RNF114: variants seen among roughly 807,000 people sequenced by gnomAD.
The protein encoded by RNF114 is ring finger protein 114.
RNF114 carries 6 observed loss-of-function variants against 28.4 expected under a neutral mutation model. The ratio of observed to expected loss-of-function variants is 0.21; its 90% CI spans 0.12 to 0.42. The LOEUF is 0.42. Ranked by LOEUF, RNF114 falls within the 10% of genes least tolerant of loss-of-function variation. The pLI, the probability that RNF114 is intolerant of heterozygous loss-of-function variation, is 1.00. For missense variants in RNF114, 249 were observed against 311.7 expected (o/e 0.80, Z 1.51); for synonymous variants, 115 against 116.7 (o/e 0.99, Z 0.09).
intron 1 of RNF114, among the ~76,000 whole-genome samples, chr20:49,937,598 C>T (rs1327197904): frequency 1.3e-5 from 2 of 152,188 alleles, no homozygotes; most frequent in Non-Finnish European, 2.9e-5. Context: ...TTCAGTAGTC[C>T]AGAGAACAGT....
chr20:49,951,170 T>G (rs1377950934), intron 5 of RNF114, among the ~76,000 whole-genome samples: 2 of 152,068 alleles, frequency 1.3e-5, no homozygotes, highest in Non-Finnish European at 2.9e-5. Flanking sequence ...TTTCAGTATC[T>G]AAGAAAGAAA....
In RNF114 at chr20:49,936,550, C is replaced by T. The variant is rs1203765964; in HGVS notation, c.138C>T (p.His46=). 1.3e-6 allele frequency: 2 copies of T among 1,586,372 alleles called. No homozygotes were observed. The highest frequency in any genetic ancestry group is 1.4e-5 in the African/African-American group (1 of 73,250). The change falls in exon 1 of 6, where the codon CAC becomes CAT. Residue 46 remains histidine, a splice_region_variant and synonymous_variant. Coordinates refer to ENST00000244061, the MANE Select transcript of RNF114 (RefSeq NM_018683.4). Reference sequence around the variant, plus strand: ...AGCCGGTACAGGTGCCCTGCGGACACGTGTAAGCGGCGAGCCCGGGCCTGG... The same window carrying T: ...AGCCGGTACAGGTGCCCTGCGGACATGTGTAAGCGGCGAGCCCGGGCCTGG... ...YEKPVQVPCG[H]VFCSACLQEC...
In RNF114 at chr20:49,952,189, C is replaced by T; in HGVS notation, c.*48C>T. ...GTCTCATGTTACAGAGCTTCCATTACATATTAAACGTGAAATCTATGACTC... is the reference window on the plus strand; with the variant it reads ...GTCTCATGTTACAGAGCTTCCATTATATATTAAACGTGAAATCTATGACTC... On this transcript the variant is annotated 3_prime_UTR_variant, in exon 6 of 6. Transcript: ENST00000244061. The T allele has an allele frequency of 1.3e-6, 2 of 1,513,232 alleles. No individual in the cohort carries two copies. The highest frequency in any genetic ancestry group is 1.8e-6 in the Non-Finnish European group (2 of 1,087,898). The allele number at this position is 1,513,232 out of a possible 1,614,324, so 93.7% of individuals were successfully genotyped here.
chr20:49,944,289 G>A (rs1180560127), intron 2 of RNF114: 3 of 151,868 alleles, frequency 2.0e-5, no homozygotes, highest in South Asian at 2.1e-4. Context: ...TGCTGATCTC[G>A]AACTCGGGAG....
rs202148450 is a variant in RNF114, at chr20:49,953,534, C to G, written c.*1393C>G. 1.3e-5 allele frequency: 2 copies of G among 151,924 alleles called. No homozygotes were observed. Among genetic ancestry groups the G allele is most frequent in the Non-Finnish European group, 2.9e-5 (2 of 67,982 alleles). The allele number at this position is 151,924 out of a possible 1,614,324, so 9.4% of individuals were successfully genotyped here. On this transcript the variant is annotated 3_prime_UTR_variant, in exon 6 of 6. Transcript: ENST00000244061. ...CCTGCCGGTGAAGAGCTGCAGATGC[C>G]GAGAAGCCAGCAAACACAGGGCCCA...
At chr20:49,936,831 A>C (rs2090289151) in intron 1 of RNF114, among the ~76,000 whole-genome samples, 1 of 151,442 alleles carries the variant, frequency 6.6e-6, no homozygotes, top group South Asian at 2.1e-4. Flanking sequence ...TCTCCTTCCC[A>C]CACGTGATAG....
chr20:49,947,213 GCCCCCCCCCCCCCC>G (rs10522852), intron 4 of RNF114, among the ~76,000 whole-genome samples: 4 of 87,388 alleles, frequency 4.6e-5, no homozygotes, highest in African/African-American at 2.5e-4. Context: ...GAACAAAACT[GCCCCCCCCCCCCCC>G]CCCCCCCCCA....
chr20:49,952,344 C>A lies in RNF114; in HGVS notation c.*203C>A. 1 of 577,062 alleles carries A rather than the reference C, an allele frequency of 1.7e-6. No individual in the cohort carries two copies. The highest frequency in any genetic ancestry group is 2.2e-5 in the South Asian group (1 of 46,018). The allele number at this position is 577,062 out of a possible 1,614,324, so 35.7% of individuals were successfully genotyped here. A position where few individuals can be genotyped will look rare whatever the true frequency, so the allele number is the denominator to read the frequency against. ...TGGGCTCTTGCCAAAGCTGTCTTCC[C>A]CTACTGTTAACCTTGTTTGTCACAC... On this transcript the variant is annotated 3_prime_UTR_variant, in exon 6 of 6. Transcript: ENST00000244061.
At position 49,953,495 on chromosome 20, in the gene RNF114, T is replaced by C. The variant is rs2090364168; in HGVS notation, c.*1354T>C. The C allele has an allele frequency of 6.6e-6, 1 of 152,232 alleles. No homozygotes were observed. Among genetic ancestry groups the C allele is most frequent in the Admixed American group, 6.5e-5 (1 of 15,276 alleles). The allele number at this position is 152,232 out of a possible 1,614,324, so 9.4% of individuals were successfully genotyped here. On this transcript the variant is annotated 3_prime_UTR_variant, in exon 6 of 6. Coordinates refer to ENST00000244061, the MANE Select transcript of RNF114 (RefSeq NM_018683.4). ...CTACCTCGCGCTTGTACACTGCTGC[T>C]GTGGGGCTCCGCGCCTGCCGGTGAA...
rs1185007615 is a variant in RNF114 at position 49,953,486 on chromosome 20, C to T, written c.*1345C>T. ...CTGCAAGTGCTACCTCGCGCTTGTA[C>T]ACTGCTGCTGTGGGGCTCCGCGCCT... is the stretch of plus-strand genomic sequence containing the variant. On this transcript the variant is annotated 3_prime_UTR_variant, in exon 6 of 6. Coordinates refer to ENST00000244061, the MANE Select transcript of RNF114 (RefSeq NM_018683.4). 6.6e-6 allele frequency: 1 copy of T among 152,200 alleles called. No homozygotes were observed. The highest frequency in any genetic ancestry group is 2.4e-5 in the African/African-American group (1 of 41,448). 9.4% of individuals were successfully genotyped at this position (152,200 alleles called of 1,614,324 possible). A position where few individuals can be genotyped will look rare whatever the true frequency, so the allele number is the denominator to read the frequency against.
chr20:49,946,352 C>G (rs1002929737), intron 4 of RNF114, 102 bp downstream of exon 4: 2 of 612,294 alleles, frequency 3.3e-6, no homozygotes, highest in Non-Finnish European at 5.7e-6. Flanking sequence ...GTGCCCTTCA[C>G]CTAGATTGAC....
rs1308226907 is a variant in RNF114, at chr20:49,953,819, AAGTG to A, written c.*1681_*1684del. On this transcript the variant is annotated 3_prime_UTR_variant, in exon 6 of 6. Coordinates refer to ENST00000244061, the MANE Select transcript of RNF114 (RefSeq NM_018683.4). ...ATTTCTAATAAGATGACTTTCCAGA[AAGTG>A]AGATTTGTTATGTTCTGGCTTTTAA... The A allele has an allele frequency of 6.6e-6, 1 of 152,192 alleles. No homozygotes were observed. The highest frequency in any genetic ancestry group is 1.5e-5 in the Non-Finnish European group (1 of 68,038). 9.4% of individuals were successfully genotyped at this position (152,192 alleles called of 1,614,324 possible).
In RNF114 at chr20:49,951,571, T is replaced by C. The variant is rs116682164; in HGVS notation, c.622-505T>C. 4.1e-3 allele frequency among the ~76,000 whole-genome samples: 627 copies of C among 152,268 alleles called. 5 individuals carry two copies. The highest frequency in any genetic ancestry group is 0.015 in the African/African-American group (608 of 41,554). On this transcript the variant is annotated intron_variant, in intron 5 of 5. Transcript: ENST00000244061. ...CAATCTCCATTTAAGGGAGGCATCC[T>C]TAACTTCATTTAAGAATCAGGCAGC... is the stretch of plus-strand genomic sequence containing the variant.
chr20:49,940,358 C>CACATGAACACCCAGTCCTCAGGT (rs2090302787), intron 1 of RNF114, among the ~76,000 whole-genome samples: 1 of 151,250 alleles, frequency 6.6e-6, no homozygotes. Flanking sequence ...CTCACACATG[C>CACATGAACACCCAGTCCTCAGGT]ACATGAACAC....
At position 49,936,482 on chromosome 20, in the gene RNF114, C is replaced by A; in HGVS notation, c.70C>A (p.Leu24Ile). The change falls in exon 1 of 6, where the codon CTA becomes ATA. Residue 24 changes from leucine (L) to isoleucine (I), a missense_variant. Transcript: ENST00000244061. The part of the protein sequence containing the change: ...LAGPAAEADP[L>I]GRFTCPVCLE... ...GGGGCCGGCGGCGGAGGCTGACCCC[C>A]TAGGACGCTTCACGTGTCCCGTGTG... 1 of 1,563,716 alleles carries A rather than the reference C, an allele frequency of 6.4e-7. No homozygotes were observed. Among genetic ancestry groups the A allele is most frequent in the South Asian group, 1.2e-5 (1 of 85,334 alleles).
intron 4 of RNF114, among the ~76,000 whole-genome samples, chr20:49,947,893 GC>G: frequency 7.1e-6 from 1 of 141,706 alleles, no homozygotes; most frequent in Non-Finnish European, 1.5e-5. Context: ...CCGGGTTCAC[GC>G]CATTCTCCTG....
intron 4 of RNF114, among the ~76,000 whole-genome samples, chr20:49,947,769 G>GTTTTTTTTTGTTTTGTTTTTTTTTTTTT (rs2090338798): frequency 4.0e-5 from 2 of 50,422 alleles, no homozygotes; most frequent in African/African-American, 1.7e-4. Flanking sequence ...CCCTCTGCAA[G>GTTTTTTTTTGTTTTGTTTTTTTTTTTTT]TTTTTTTTTT....
intron 2 of RNF114, among the ~76,000 whole-genome samples, chr20:49,943,112 C>A (rs1471487591): frequency 6.6e-6 from 1 of 151,860 alleles, no homozygotes; most frequent in Non-Finnish European, 1.5e-5. Flanking sequence ...TATACCTTAC[C>A]ATCTCCTTTT....
chr20:49,939,752 TAAA>T (rs935830658), intron 1 of RNF114, among the ~76,000 whole-genome samples: 1 of 136,896 alleles, frequency 7.3e-6, no homozygotes, highest in Non-Finnish European at 1.6e-5. Flanking sequence ...CCTTCTCACC[TAAA>T]AAAAAAAAAA....
Sources: allele counts gnomAD v4.1 joint callset (sites outside exome capture counted in the v4.1 genomes callset), GRCh38; gene constraint gnomAD v4.1.1; transcripts MANE v1.5; gene names NCBI Gene and HGNC (gene_info 2026-07-23, HGNC 2026-07-21).